The following PTBP2 variants were observed in gnomAD, a reference collection of about 807,000 sequenced individuals.
The protein encoded by PTBP2 is polypyrimidine tract binding protein 2.
Under a neutral mutation model 61.4 loss-of-function variants are expected in PTBP2, and 13 were observed. The observed-to-expected ratio is 0.21, with a 90% CI of 0.14 to 0.34. PTBP2 has a LOEUF of 0.34. PTBP2 is among the 10% of genes least tolerant of loss of function. The pLI is 1.00. For missense variants in PTBP2, 405 were observed against 642.6 expected (o/e 0.63, Z 4.00); for synonymous variants, 215 against 218.5 (o/e 0.98, Z 0.14).
Position 96,762,298 on chromosome 1 carries a change from AG to A in PTBP2, c.116-7401del, listed in dbSNP as rs991905064. Among the ~76,000 whole-genome samples, 13 of 146,644 alleles carry A rather than the reference AG, an allele frequency of 8.9e-5. 1 individual carries two copies. The highest frequency in any genetic ancestry group is 2.6e-4 in the African/African-American group (10 of 37,764). On this transcript the variant is annotated intron_variant, in intron 3 of 13. Transcript: ENST00000674951. ...GCAGAGGGGCTCCTCACTTCCCAGT[AG>A]GGGCGGCCGGGCAGAGGCGCCCCTC...
intron 5 of PTBP2, among the ~76,000 whole-genome samples, chr1:96,774,731 C>T (rs554338426): frequency 2.6e-5 from 4 of 151,996 alleles, no homozygotes; most frequent in Admixed American, 1.3e-4. Context: ...ATTTTTTTCT[C>T]GCTAGTACAG....
At chr1:96,791,787 C>T (rs959948672) in intron 8 of PTBP2, among the ~76,000 whole-genome samples, 3 of 146,418 alleles carry the variant, frequency 2.0e-5, no homozygotes, top group African/African-American at 7.6e-5. Flanking sequence ...TAACTTAATA[C>T]TGGTTACTTA....
At chr1:96,747,846 T>C (rs1012667495) in intron 2 of PTBP2, among the ~76,000 whole-genome samples, 5 of 151,950 alleles carry the variant, frequency 3.3e-5, no homozygotes, top group African/African-American at 1.2e-4. Context: ...CTTCTCCTTG[T>C]TTAAAAAAAA....
In PTBP2 at chr1:96,791,828, T is replaced by TTTTTTTGTA. The variant is rs367588623; in HGVS notation, c.904+6580_904+6581insGTATTTTTT. ...CACCTCTGTTGCTTGGAGTTGTGCT[T>TTTTTTTGTA]TTTTTTTTTTTTTTTTTTTTTGAGA... On this transcript the variant is annotated intron_variant, in intron 8 of 13. Transcript: ENST00000674951. Among the ~76,000 whole-genome samples the TTTTTTTGTA allele has an allele frequency of 2.3e-3, 174 of 75,724 alleles. 4 individuals are homozygous for TTTTTTTGTA. The highest frequency in any genetic ancestry group is 9.0e-3 in the African/African-American group (171 of 18,910). 49.7% of individuals were successfully genotyped at this position (75,724 alleles called of 152,430 possible).
chr1:96,811,987 A>G (rs376978542), intron 11 of PTBP2, among the ~76,000 whole-genome samples: 22 of 152,314 alleles, frequency 1.4e-4, no homozygotes, highest in South Asian at 2.1e-4. Flanking sequence ...CATTATACCA[A>G]TTGAGCTTCC....
intron 5 of PTBP2, among the ~76,000 whole-genome samples, chr1:96,776,938 A>C (rs746767558): frequency 4.6e-5 from 7 of 152,034 alleles, no homozygotes; most frequent in Non-Finnish European, 8.8e-5. Flanking sequence ...ACATAAAACA[A>C]TAGTGCATTT....
At chr1:96,751,906 A>G (rs776526664) in intron 3 of PTBP2, among the ~76,000 whole-genome samples, 7 of 152,084 alleles carry the variant, frequency 4.6e-5, no homozygotes, top group Non-Finnish European at 7.4e-5. Flanking sequence ...TCAGCTACAT[A>G]GTTGTTTAAA....
chr1:96,822,331 A>T (rs1662707140), exon 14 of PTBP2: 1 of 152,192 alleles, frequency 6.6e-6, no homozygotes, highest in South Asian at 2.1e-4. Context: ...AAAGTTGGGG[A>T]CAAAAAAGGA....
chr1:96,742,835 G>C (rs1324386808), intron 2 of PTBP2, among the ~76,000 whole-genome samples: 1 of 151,990 alleles, frequency 6.6e-6, no homozygotes, highest in East Asian at 1.9e-4. Context: ...CAGAATGTGT[G>C]TCTCTCTATT....
intron 7 of PTBP2, among the ~76,000 whole-genome samples, chr1:96,783,641 C>G (rs935732450): frequency 1.3e-5 from 2 of 151,962 alleles, no homozygotes; most frequent in African/African-American, 2.4e-5. Context: ...GTGAATTTTG[C>G]TACTTATCTT....
intron 11 of PTBP2, among the ~76,000 whole-genome samples, chr1:96,812,389 A>G (rs1432603471): frequency 6.6e-6 from 1 of 152,210 alleles, no homozygotes; most frequent in African/African-American, 2.4e-5. Context: ...GATGTGTAAC[A>G]GAAGGGAGAA....
At chr1:96,726,178 C>CT (rs1266348788) in intron 2 of PTBP2, among the ~76,000 whole-genome samples, 2 of 145,776 alleles carry the variant, frequency 1.4e-5, no homozygotes, top group African/African-American at 5.0e-5. Context: ...AATTTTGTGC[C>CT]TTTTTTCTTG....
chr1:96,736,539 A>G (rs1362891904), intron 2 of PTBP2, among the ~76,000 whole-genome samples: 1 of 152,174 alleles, frequency 6.6e-6, no homozygotes, highest in South Asian at 2.1e-4. Context: ...TCTTCTACTT[A>G]ATTGAAAAAT....
At chr1:96,773,759 G>A (rs1000713295) in intron 5 of PTBP2, among the ~76,000 whole-genome samples, 14 of 151,544 alleles carry the variant, frequency 9.2e-5, no homozygotes, top group African/African-American at 3.2e-4. Flanking sequence ...GGCGGATCAC[G>A]AGGTCAGGAG....
intron 7 of PTBP2, among the ~76,000 whole-genome samples, chr1:96,783,880 C>A (rs1348353197): frequency 6.6e-6 from 1 of 152,012 alleles, no homozygotes; most frequent in Non-Finnish European, 1.5e-5. Flanking sequence ...TAATTCAAAT[C>A]CTGATGTGTA....
In PTBP2 at chr1:96,730,522, A is replaced by G. The variant is rs184734371; in HGVS notation, c.39+6928A>G. Among the ~76,000 whole-genome samples the G allele has an allele frequency of 8.5e-5, 13 of 152,096 alleles. No individual in the cohort carries two copies. In the East Asian group the frequency reaches 9.7e-4, roughly 11 times the overall value. On this transcript the variant is annotated intron_variant, in intron 2 of 13. Transcript: ENST00000674951. ...TTTTCCATATATCTTTCTGTTATGT[A>G]TTCATAATTTTAGTTTTATTCTGGC...
At chr1:96,762,439 G>T (rs1167068267) in intron 3 of PTBP2, among the ~76,000 whole-genome samples, 2 of 137,544 alleles carry the variant, frequency 1.5e-5, no homozygotes, top group African/African-American at 2.8e-5. Context: ...CTGGCCGGGC[G>T]GGGGGCTGAC....
intron 2 of PTBP2, among the ~76,000 whole-genome samples, chr1:96,746,834 T>A (rs1570765749): frequency 1.3e-5 from 1 of 76,940 alleles, no homozygotes; most frequent in African/African-American, 4.8e-5. Context: ...TCTGTCTGTC[T>A]GTCTCCCTCC....
intron 2 of PTBP2, 180 bp from the exon 3 acceptor site, chr1:96,751,245 T>C: frequency 1.5e-6 from 1 of 679,368 alleles, no homozygotes; most frequent in Non-Finnish European, 2.7e-6. Flanking sequence ...ACTGTTGCCT[T>C]TGTGAGAATG....
Sources: gnomAD v4.1 joint callset for allele counts (sites outside exome capture counted in the v4.1 genomes callset) on GRCh38, gnomAD v4.1.1 for gene constraint, MANE v1.5 for transcripts, NCBI Gene and HGNC (gene_info 2026-07-23, HGNC 2026-07-21) for gene names.